Variants in TMEM132B observed in about 807,000 individuals in gnomAD.
TMEM132B encodes the protein transmembrane protein 132B.
A neutral mutation model predicts 90.8 loss-of-function variants in TMEM132B; 18 were observed. The observed-to-expected ratio is 0.20, with a 90% CI of 0.14 to 0.29. TMEM132B has a LOEUF of 0.29. Among genes scored for constraint, TMEM132B ranks in the 10% least tolerant of loss-of-function variants. The pLI is 1.00. For missense variants in TMEM132B, 1,096 were observed against 1,326.8 expected (o/e 0.83, Z 2.70); for synonymous variants, 504 against 523.3 (o/e 0.96, Z 0.50).
chr12:125,645,934 C>T (rs1367591441), intron 6 of TMEM132B, among the ~76,000 whole-genome samples: 1 of 152,148 alleles, frequency 6.6e-6, no homozygotes, highest in African/African-American at 2.4e-5. Flanking sequence ...TTTTGAGGAG[C>T]ATCATGGAAA....
intron 4 of TMEM132B, among the ~76,000 whole-genome samples, chr12:125,572,027 G>T (rs1331640128): frequency 6.6e-6 from 1 of 152,090 alleles, no homozygotes; most frequent in Non-Finnish European, 1.5e-5. Context: ...TTGTCTTTTA[G>T]GCTGTGACAT....
rs1882784147 is a variant in TMEM132B, at chr12:125,504,613, A to G, written c.1107-14826A>G. 3.3e-5 allele frequency among the ~76,000 whole-genome samples: 5 copies of G among 152,194 alleles called. No individual in the cohort carries two copies. The South Asian group carries it at 1.0e-3, about 32-fold the overall frequency. ...GTGATTCCTTGTCTAATAATGGTGGAGGAACTGCTACAATGCTAATATTCA... is the reference window on the plus strand; with the variant it reads ...GTGATTCCTTGTCTAATAATGGTGGGGGAACTGCTACAATGCTAATATTCA... On this transcript the variant is annotated intron_variant, in intron 3 of 8. Coordinates refer to ENST00000682704, the MANE Select transcript of TMEM132B (RefSeq NM_001366854.1).
intron 3 of TMEM132B, among the ~76,000 whole-genome samples, chr12:125,447,021 AT>A (rs1440598410): frequency 6.6e-6 from 1 of 152,166 alleles, no homozygotes; most frequent in African/African-American, 2.4e-5. Context: ...GCATATTGCT[AT>A]TTTATACCAG....
At chr12:125,453,076 AACAC>A (rs60350192) in intron 3 of TMEM132B, among the ~76,000 whole-genome samples, 2,162 of 143,710 alleles carry the variant, frequency 0.015, 17 homozygotes, top group African/African-American at 0.028. Flanking sequence ...ATTTCAGTAA[AACAC>A]ACACACACAC....
Position 125,654,963 on chromosome 12 carries a change from C to T in TMEM132B, c.*253C>T, listed in dbSNP as rs1302193111. 2.4e-5 allele frequency: 11 copies of T among 455,820 alleles called. No individual in the cohort carries two copies. Among genetic ancestry groups the T allele is most frequent in the Admixed American group, 1.9e-4 (5 of 26,846 alleles). The allele number at this position is 455,820 out of a possible 1,614,324, so 28.2% of individuals were successfully genotyped here. Reference sequence around the variant, plus strand: ...CAACAGTTTTATGGACTGCCTGGTACGAGCTCAGTGCAAATGTATTAAACC... The same window carrying T: ...CAACAGTTTTATGGACTGCCTGGTATGAGCTCAGTGCAAATGTATTAAACC... On this transcript the variant is annotated 3_prime_UTR_variant, in exon 9 of 9. Coordinates refer to ENST00000682704, the MANE Select transcript of TMEM132B (RefSeq NM_001366854.1). The surrounding 1 kb of genome is among the most constrained non-coding windows in gnomAD (Gnocchi z 5.8).
intron 1 of TMEM132B, chr12:125,327,314 C>A (rs1876613998): frequency 6.6e-6 from 1 of 152,386 alleles, no homozygotes; most frequent in Non-Finnish European, 1.5e-5. Flanking sequence ...CACCTTCTCC[C>A]AAATACCCAC....
intron 5 of TMEM132B, among the ~76,000 whole-genome samples, chr12:125,626,427 G>T (rs1390594207): frequency 1.3e-5 from 2 of 152,090 alleles, no homozygotes; most frequent in African/African-American, 4.8e-5. Flanking sequence ...TGGATCATAT[G>T]GTAGTTCAAT....
chr12:125,586,680 G>T (rs1344238261), intron 5 of TMEM132B: 2 of 152,168 alleles, frequency 1.3e-5, no homozygotes, highest in African/African-American at 4.8e-5. Flanking sequence ...TTTAGTAGCT[G>T]CCTGGGTGAT....
chr12:125,248,592 C>T (rs1874253518), intron 1 of TMEM132B, among the ~76,000 whole-genome samples: 1 of 152,154 alleles, frequency 6.6e-6, no homozygotes, highest in Non-Finnish European at 1.5e-5. Flanking sequence ...TGAGTGTGCC[C>T]CATGGAAGGC....
chr12:125,297,639 A>T (rs530936044), intron 1 of TMEM132B, among the ~76,000 whole-genome samples: 12 of 152,200 alleles, frequency 7.9e-5, no homozygotes, highest in Non-Finnish European at 4.4e-5. Context: ...AAGAATTGAG[A>T]TGCTCAAGGG....
chr12:125,636,197 C>A (rs80101759), intron 5 of TMEM132B, among the ~76,000 whole-genome samples: 2 of 152,064 alleles, frequency 1.3e-5, no homozygotes, highest in Middle Eastern at 3.2e-3. Context: ...GTGGTGGGGA[C>A]GGTCGATGGA....
chr12:125,611,350 A>C (rs1885821681), intron 5 of TMEM132B, among the ~76,000 whole-genome samples: 1 of 152,032 alleles, frequency 6.6e-6, no homozygotes, highest in Non-Finnish European at 1.5e-5. Flanking sequence ...ATTTTAAAAA[A>C]AACAATTTTT....
At chr12:125,424,108 T>G (rs1294564933) in intron 3 of TMEM132B, among the ~76,000 whole-genome samples, 1 of 152,238 alleles carries the variant, frequency 6.6e-6, no homozygotes, top group Non-Finnish European at 1.5e-5. Context: ...ATATTTCATT[T>G]TTTTCCTCTT....
At chr12:125,248,682 G>T (rs1298073285) in intron 1 of TMEM132B, among the ~76,000 whole-genome samples, 1 of 152,172 alleles carries the variant, frequency 6.6e-6, no homozygotes, top group Non-Finnish European at 1.5e-5. Flanking sequence ...TTATGTGTTG[G>T]CTTATGCTTT....
intron 1 of TMEM132B, among the ~76,000 whole-genome samples, chr12:125,295,787 G>GT (rs1875658947): frequency 6.6e-6 from 1 of 152,134 alleles, no homozygotes; most frequent in Non-Finnish European, 1.5e-5. Context: ...CAGAGCCTTA[G>GT]TTTTGCCTTC....
intron 3 of TMEM132B, among the ~76,000 whole-genome samples, chr12:125,483,994 C>G (rs1348169185): frequency 6.6e-6 from 1 of 152,156 alleles, no homozygotes; most frequent in Non-Finnish European, 1.5e-5. Flanking sequence ...TGCGGGGAGC[C>G]TTTCTCAGAG....
At chr12:125,410,139 TGGAGTGGAGTGGA>T (rs1338926670) in intron 2 of TMEM132B, among the ~76,000 whole-genome samples, 5 of 5,504 alleles carry the variant, frequency 9.1e-4, no homozygotes, top group Non-Finnish European at 1.6e-3. Flanking sequence ...AGGAGTGGAG[TGGAGTGGAGTGGA>T]GGAGTGGAGT....
intron 3 of TMEM132B, among the ~76,000 whole-genome samples, chr12:125,489,856 G>T (rs1026885047): frequency 1.3e-5 from 2 of 152,158 alleles, no homozygotes; most frequent in Non-Finnish European, 2.9e-5. Context: ...GATGGAAGAG[G>T]CCTGCAGTAT....
chr12:125,451,398 A>C (rs1159005148), intron 3 of TMEM132B, among the ~76,000 whole-genome samples: 3 of 152,170 alleles, frequency 2.0e-5, no homozygotes, highest in African/African-American at 7.2e-5. Context: ...AGAGAGAGAG[A>C]CAGAGAATGA....
Sources: gnomAD v4.1 joint callset for allele counts (sites outside exome capture counted in the v4.1 genomes callset) on GRCh38, gnomAD v4.1.1 for gene constraint, Gnocchi (gnomAD v3.1) non-coding constraint, MANE v1.5 for transcripts, NCBI Gene and HGNC (gene_info 2026-07-23, HGNC 2026-07-21) for gene names.